ADAMTSL1: variants seen among roughly 807,000 people sequenced by gnomAD.
ADAMTSL1 encodes the protein ADAMTS like 1.
A neutral mutation model predicts 201.8 loss-of-function variants in ADAMTSL1; 126 were observed. That is an observed-to-expected ratio of 0.62 (90% CI 0.54 to 0.72). The LOEUF (loss-of-function observed/expected upper bound fraction) is 0.72, where lower values mean the gene tolerates loss of function less well. Among genes scored for constraint, ADAMTSL1 ranks in the 30% least tolerant of loss-of-function variants. The pLI is 0.00. For synonymous variants in ADAMTSL1, 1,121 were observed against 903.4 expected (o/e 1.24, Z -4.32); for missense variants, 2,679 against 2,277.8 (o/e 1.18, Z -3.59).
At chr9:18,166,889 C>G (rs1413028262) in intron 2 of ADAMTSL1, among the ~76,000 whole-genome samples, 2 of 151,944 alleles carry the variant, frequency 1.3e-5, no homozygotes, top group African/African-American at 2.4e-5. Flanking sequence ...TTCAGTGATA[C>G]TTTCTCAATC....
intron 4 of ADAMTSL1, among the ~76,000 whole-genome samples, chr9:18,580,117 C>T (rs184853648): frequency 1.1e-3 from 174 of 152,188 alleles, no homozygotes; most frequent in Middle Eastern, 0.01. Flanking sequence ...TTGCTTATTG[C>T]TATTTCAAAA....
At chr9:18,710,277 T>G (rs1832482201) in intron 14 of ADAMTSL1, among the ~76,000 whole-genome samples, 1 of 152,186 alleles carries the variant, frequency 6.6e-6, no homozygotes, top group Non-Finnish European at 1.5e-5. Context: ...CCTACAAAAA[T>G]GTATTGAGTG....
Position 18,176,511 on chromosome 9 carries a change from A to G in ADAMTSL1, c.207+12530A>G, listed in dbSNP as rs560362665. Among the ~76,000 whole-genome samples, 12 of 152,302 alleles carry G rather than the reference A, an allele frequency of 7.9e-5. No individual in the cohort carries two copies. The East Asian group carries it at 1.9e-3, about 24-fold the overall frequency. On this transcript the variant is annotated intron_variant, in intron 2 of 29. Coordinates refer to the ADAMTSL1 transcript ENST00000680146. ...TCACGTGCTGCCTTAAGCACTTTGAATACATATCTTCATTAATCTTAGAGA... is the reference window on the plus strand; with the variant it reads ...TCACGTGCTGCCTTAAGCACTTTGAGTACATATCTTCATTAATCTTAGAGA...
At chr9:18,619,370 A>G (rs574245702) in intron 4 of ADAMTSL1, among the ~76,000 whole-genome samples, 3 of 152,244 alleles carry the variant, frequency 2.0e-5, no homozygotes, top group South Asian at 4.1e-4. Flanking sequence ...GAGTTAGAAG[A>G]TTTTGGCATC....
chr9:18,112,359 T>G (rs555053099), intron 1 of ADAMTSL1, among the ~76,000 whole-genome samples: 91 of 152,228 alleles, frequency 6.0e-4, no homozygotes, highest in Admixed American at 2.5e-3. Flanking sequence ...ATAGTGTGCT[T>G]CAGCTCCCAT....
In ADAMTSL1 at chr9:18,332,440, G is replaced by A. The variant is rs190375603; in HGVS notation, c.207+168459G>A. 6.6e-5 allele frequency among the ~76,000 whole-genome samples: 10 copies of A among 151,296 alleles called. No individual in the cohort carries two copies. The East Asian group carries it at 1.7e-3, about 26-fold the overall frequency. ...CCTTCTCTTGCTATCTTTTTTATAC[G>A]CACCAGTCCAGTTTTCCTCCTTTTT... On this transcript the variant is annotated intron_variant, in intron 2 of 29. Transcript: ENST00000680146.
At chr9:18,230,728 C>G (rs1449147878) in intron 2 of ADAMTSL1, among the ~76,000 whole-genome samples, 1 of 152,056 alleles carries the variant, frequency 6.6e-6, no homozygotes, top group African/African-American at 2.4e-5. Context: ...TTACTTTTTC[C>G]TAAACATTAT....
At chr9:18,873,154 C>A (rs2131470104) in intron 23 of ADAMTSL1, among the ~76,000 whole-genome samples, 1 of 151,888 alleles carries the variant, frequency 6.6e-6, no homozygotes, top group East Asian at 1.9e-4. Context: ...CCTTAGCCCA[C>A]TTATGGATAG....
intron 2 of ADAMTSL1, chr9:18,362,231 G>C (rs1018248912): frequency 1.3e-5 from 2 of 152,188 alleles, no homozygotes; most frequent in African/African-American, 4.8e-5. Context: ...CTGGAATATA[G>C]AGCAGAATGC....
chr9:18,389,388 TAATC>T (rs1337745347), intron 2 of ADAMTSL1, among the ~76,000 whole-genome samples: 1 of 152,204 alleles, frequency 6.6e-6, no homozygotes, highest in African/African-American at 2.4e-5. Flanking sequence ...TTTGCACTGA[TAATC>T]AAGTATATTT....
chr9:18,196,524 G>A (rs1263538441), intron 2 of ADAMTSL1, among the ~76,000 whole-genome samples: 2 of 152,078 alleles, frequency 1.3e-5, no homozygotes, highest in Non-Finnish European at 2.9e-5. Context: ...GGTACGGCAG[G>A]GATGCAGAGA....
At chr9:18,063,589 A>C (rs1343237886) in intron 1 of ADAMTSL1, among the ~76,000 whole-genome samples, 6 of 152,230 alleles carry the variant, frequency 3.9e-5, no homozygotes, top group Admixed American at 3.9e-4. Flanking sequence ...AAGCGAATGC[A>C]GGGAAGGGCC....
intron 20 of ADAMTSL1, among the ~76,000 whole-genome samples, chr9:18,802,748 T>G (rs1278406446): frequency 6.6e-6 from 1 of 152,226 alleles, no homozygotes; most frequent in Non-Finnish European, 1.5e-5. Flanking sequence ...TCTGGGTTGT[T>G]TGGCGCATTT....
intron 1 of ADAMTSL1, among the ~76,000 whole-genome samples, chr9:17,969,446 T>G (rs1818115553): frequency 6.6e-6 from 1 of 152,038 alleles, no homozygotes; most frequent in South Asian, 2.1e-4. Context: ...GACACATCAT[T>G]TAGCCATATT....
At chr9:18,011,292 C>T (rs571173241) in intron 1 of ADAMTSL1, among the ~76,000 whole-genome samples, 1 of 152,154 alleles carries the variant, frequency 6.6e-6, no homozygotes, top group African/African-American at 2.4e-5. Flanking sequence ...CTCTCATAAT[C>T]TTTGTCTCAA....
At chr9:18,005,608 G>T (rs1224086294) in intron 1 of ADAMTSL1, among the ~76,000 whole-genome samples, 3 of 152,016 alleles carry the variant, frequency 2.0e-5, no homozygotes, top group Non-Finnish European at 4.4e-5. Context: ...GACTATGACT[G>T]TCTACATTAC....
chr9:18,408,088 C>T (rs1818279396), intron 2 of ADAMTSL1, among the ~76,000 whole-genome samples: 1 of 152,044 alleles, frequency 6.6e-6, no homozygotes, highest in South Asian at 2.1e-4. Context: ...AGTATTATAG[C>T]CTATGGCTAA....
intron 13 of ADAMTSL1, among the ~76,000 whole-genome samples, chr9:18,692,429 AG>A (rs1831289255): frequency 6.6e-6 from 1 of 151,894 alleles, no homozygotes; most frequent in African/African-American, 2.4e-5. Flanking sequence ...CTGTCACCGC[AG>A]TTGCTCGTTC....
At chr9:18,410,379 C>T (rs577207402) in intron 2 of ADAMTSL1, among the ~76,000 whole-genome samples, 2 of 152,234 alleles carry the variant, frequency 1.3e-5, no homozygotes, top group South Asian at 4.2e-4. Flanking sequence ...TCCCACCCCC[C>T]ACAGCCCCCA....
Sources: gnomAD v4.1 joint callset for allele counts (sites outside exome capture counted in the v4.1 genomes callset) on GRCh38, gnomAD v4.1.1 for gene constraint, MANE v1.5 for transcripts, NCBI Gene and HGNC (gene_info 2026-07-23, HGNC 2026-07-21) for gene names.